The following ZNF705G variants were observed in gnomAD, a reference collection of about 807,000 sequenced individuals.
ZNF705G encodes the protein zinc finger protein 705G, also known as putative zinc finger protein 705G.
A neutral mutation model predicts 19.6 loss-of-function variants in ZNF705G; 23 were observed. The observed-to-expected ratio is 1.17, with a 90% CI of 0.84 to 1.66. The LOEUF is 1.66. ZNF705G is among the 40% of genes most tolerant of loss of function. The pLI, the probability that ZNF705G is intolerant of heterozygous loss-of-function variation, is 0.00. For synonymous variants in ZNF705G, 146 were observed against 117.7 expected, an observed-to-expected ratio of 1.24 and a Z score of -1.56; for missense variants, 457 against 354.4, an observed-to-expected ratio of 1.29 and a Z score of -2.32.
chr8:7,363,117 C>A (rs570586846), intron 2 of ZNF705G, 100 bp from the exon 3 acceptor site: 3 of 1,465,220 alleles, frequency 2.0e-6, no homozygotes, highest in African/African-American at 1.5e-5. Flanking sequence ...GTGACACCAG[C>A]TGCACCACAG....
In ZNF705G at chr8:7,358,211, G is replaced by T. The variant is rs374303145; in HGVS notation, c.668C>A (p.Thr223Lys). 41 of 1,607,572 alleles carry T rather than the reference G, an allele frequency of 2.6e-5. 2 individuals carry two copies. The highest frequency in any genetic ancestry group is 3.2e-5 in the Non-Finnish European group (38 of 1,179,612). ...ATGACACTTATATGGTCTCTGTCCC[G>T]TGTGAGTTTTCTCGTGTCTTCTAAG... is the stretch of plus-strand genomic sequence containing the variant. The part of the protein sequence containing the change: ...SHLRRHEKTH[T>K]GQRPYKCHQY... The change falls in exon 7 of 7, where the codon ACG becomes AAG. Residue 223 changes from threonine (T) to lysine (K), a missense_variant. Physicochemically the swap from Thr to Lys is moderately conservative, Grantham distance 78. Coordinates refer to ENST00000400156, the MANE Select transcript of ZNF705G (RefSeq NM_001164457.3).
intron 2 of ZNF705G, among the ~76,000 whole-genome samples, chr8:7,380,074 G>A (rs1458014605): frequency 7.0e-6 from 1 of 143,596 alleles, no homozygotes; most frequent in Non-Finnish European, 1.5e-5. Context: ...AACTGGCAGT[G>A]CCATTCACTA....
chr8:7,379,502 A>T (rs1218304591), intron 2 of ZNF705G, among the ~76,000 whole-genome samples: 1 of 147,278 alleles, frequency 6.8e-6, no homozygotes, highest in African/African-American at 2.7e-5. Context: ...AAAGACCAAG[A>T]CAGCAAGTAG....
At chr8:7,375,250 G>C (rs1807211671) in intron 2 of ZNF705G, among the ~76,000 whole-genome samples, 1 of 90,822 alleles carries the variant, frequency 1.1e-5, no homozygotes, top group Non-Finnish European at 2.1e-5. Flanking sequence ...TCATTGCTCG[G>C]CTCCCCCTTA....
intron 6 of ZNF705G, among the ~76,000 whole-genome samples, chr8:7,359,166 G>A (rs71511222): frequency 0.065 from 9,642 of 148,684 alleles, 979 homozygotes; most frequent in African/African-American, 0.15. Flanking sequence ...TAAATTTGGA[G>A]CCTTCAAAAT....
intron 6 of ZNF705G, 112 bp downstream of exon 6, chr8:7,359,507 A>G: frequency 2.6e-6 from 4 of 1,543,630 alleles, no homozygotes; most frequent in Non-Finnish European, 2.6e-6. Flanking sequence ...TTTTGCTTAG[A>G]AAACACTTAA....
At position 7,358,211 on chromosome 8, in the gene ZNF705G, G is replaced by A. The variant is rs374303145; in HGVS notation, c.668C>T (p.Thr223Met). ...ATGACACTTATATGGTCTCTGTCCC[G>A]TGTGAGTTTTCTCGTGTCTTCTAAG... ...SHLRRHEKTH[T>M]GQRPYKCHQY... Residue 223 changes from threonine to methionine, a missense_variant, in exon 7 of 7, where the codon ACG becomes ATG. By Grantham distance (81) the Thr-to-Met change is moderately conservative (BLOSUM62 -1). Coordinates refer to ENST00000400156, the MANE Select transcript of ZNF705G (RefSeq NM_001164457.3). 2.2e-4 allele frequency: 358 copies of A among 1,607,520 alleles called. 4 individuals carry two copies. The highest frequency in any genetic ancestry group is 8.5e-4 in the Admixed American group (51 of 59,930).
At chr8:7,361,337 A>T in intron 3 of ZNF705G, 101 bp from the exon 4 acceptor site, 1 of 1,582,518 alleles carries the variant, frequency 6.3e-7, no homozygotes, top group Non-Finnish European at 8.5e-7. Flanking sequence ...TATGCAGAAT[A>T]CTCAGTGTTT....
intron 6 of ZNF705G, among the ~76,000 whole-genome samples, chr8:7,358,787 G>T (rs1806420452): frequency 1.3e-5 from 2 of 149,268 alleles, no homozygotes; most frequent in African/African-American, 2.6e-5. Context: ...CCCCCTTCTG[G>T]TTCCTAAATA....
chr8:7,380,094 C>A (rs1807421635), intron 2 of ZNF705G, among the ~76,000 whole-genome samples: 2 of 143,900 alleles, frequency 1.4e-5, no homozygotes, highest in Non-Finnish European at 3.0e-5. Flanking sequence ...AGGGAGGCTG[C>A]CCCCAGAACA....
At position 7,359,628 on chromosome 8, in the gene ZNF705G, AC is replaced by A. The variant is rs1806476829; in HGVS notation, c.308del (p.Ser103IlefsTer2). Reference protein sequence around the residue: ...HPITRKDASTSMTMENSLILE... With the variant: ...HPITRKDASTXMTMENSLILE... ...CAGCTATAAAACTTACCATTGTCAT[AC>A]TGGTGGATGCGTCTTTTCTGGTGAT... On this transcript the variant is annotated frameshift_variant, in exon 6 of 7. Transcript: ENST00000400156. LOFTEE classifies it low-confidence loss of function (END_TRUNC). 1 of 1,606,614 alleles carries A rather than the reference AC, an allele frequency of 6.2e-7. No homozygotes were observed. The highest frequency in any genetic ancestry group is 1.1e-5 in the South Asian group (1 of 90,660).
intron 2 of ZNF705G, among the ~76,000 whole-genome samples, chr8:7,370,544 A>C (rs1807057959): frequency 6.8e-6 from 1 of 147,680 alleles, no homozygotes; most frequent in South Asian, 2.1e-4. Context: ...AAGGTTTCTC[A>C]AAAATTTTTT....
At chr8:7,369,347 T>C (rs1345816044) in intron 2 of ZNF705G, among the ~76,000 whole-genome samples, 10 of 149,544 alleles carry the variant, frequency 6.7e-5, no homozygotes, top group African/African-American at 1.3e-4. Flanking sequence ...GGCAAATGTC[T>C]ACTACAGCAG....
At chr8:7,361,352 T>C (rs1285563129) in intron 3 of ZNF705G, 116 bp from the exon 4 acceptor site, 9 of 1,552,464 alleles carry the variant, frequency 5.8e-6, no homozygotes, top group East Asian at 4.5e-5. Flanking sequence ...GTGTTTTGGG[T>C]TCCAGCCAGT....
rs544061828 is a variant in ZNF705G at position 7,356,456 on chromosome 8, T to G, written c.*1520A>C. The G allele has an allele frequency of 6.7e-6, 1 of 149,752 alleles. No homozygotes were observed. Among genetic ancestry groups the G allele is most frequent in the African/African-American group, 2.6e-5 (1 of 38,988 alleles). 9.3% of individuals were successfully genotyped at this position (149,752 alleles called of 1,614,324 possible). On this transcript the variant is annotated 3_prime_UTR_variant, in exon 7 of 7. Transcript: ENST00000400156. ...TATTCTCTGATCCCAGTTAACTGCCTAGAGACAGAGGAAAGGGCTGCGGAC... is the reference window on the plus strand; with the variant it reads ...TATTCTCTGATCCCAGTTAACTGCCGAGAGACAGAGGAAAGGGCTGCGGAC...
intron 5 of ZNF705G, 95 bp downstream of exon 5, chr8:7,360,142 T>C: frequency 7.3e-7 from 1 of 1,362,672 alleles, no homozygotes; most frequent in Non-Finnish European, 1.0e-6. Context: ...TTAGAAATTA[T>C]CACTCATTTA....
At position 7,366,012 on chromosome 8, in the gene ZNF705G, G is replaced by A. The variant is rs767822231; in HGVS notation, c.-71-2995C>T. 2.2e-4 allele frequency among the ~76,000 whole-genome samples: 33 copies of A among 149,504 alleles called. 1 individual carries two copies. Among genetic ancestry groups the A allele is most frequent in the Non-Finnish European group, 4.7e-4 (32 of 68,010 alleles). The stretch of plus-strand genomic sequence containing the variant: ...ACACCAGTGCTATACAATGTTGAAT[G>A]ACATCTCAGGTGCTAGGGAAACAGC... On this transcript the variant is annotated intron_variant, in intron 2 of 6. Coordinates refer to ENST00000400156, the MANE Select transcript of ZNF705G (RefSeq NM_001164457.3).
chr8:7,384,525 T>C (rs1451493039), intron 1 of ZNF705G, among the ~76,000 whole-genome samples: 1 of 146,114 alleles, frequency 6.8e-6, no homozygotes, highest in Non-Finnish European at 1.5e-5. Flanking sequence ...AGAGGAACTT[T>C]TAAGTCAACT....
intron 2 of ZNF705G, among the ~76,000 whole-genome samples, chr8:7,368,145 C>T (rs2128840845): frequency 6.7e-6 from 1 of 149,510 alleles, no homozygotes. Flanking sequence ...AGAGACATGC[C>T]CTGATTGCAC....
Sources: gnomAD v4.1 joint callset for allele counts (sites outside exome capture counted in the v4.1 genomes callset) on GRCh38, gnomAD v4.1.1 for gene constraint, MANE v1.5 for transcripts, NCBI Gene and HGNC (gene_info 2026-07-23, HGNC 2026-07-21) for gene names.